Variants in MAMSTR observed in about 807,000 individuals in gnomAD.
The protein encoded by MAMSTR is MEF2 activating motif and SAP domain containing transcriptional regulator, also known as MEF2-activating motif and SAP domain-containing transcriptional regulator.
A neutral mutation model predicts 42.7 loss-of-function variants in MAMSTR; 41 were observed. That is an observed-to-expected ratio of 0.96 (90% CI 0.75 to 1.25). MAMSTR has a LOEUF of 1.25. MAMSTR is among the 50% of genes most tolerant of loss of function. MAMSTR has a pLI of 0.00. For missense variants in MAMSTR, 567 were observed against 557.6 expected (o/e 1.02, Z -0.17); for synonymous variants, 265 against 244.1 (o/e 1.09, Z -0.80).
chr19:48,716,777 G>A (rs1269108081), intron 2 of MAMSTR, 34 bp from the exon 3 acceptor site: 2 of 1,292,030 alleles, frequency 1.5e-6, no homozygotes, highest in East Asian at 6.2e-5. Flanking sequence ...GAGGAGGAAG[G>A]CGGGAAGGGA....
At chr19:48,711,902 T>C (rs142892429), downstream of MAMSTR, among the ~76,000 whole-genome samples, 1,794 of 150,652 alleles carry the variant, frequency 0.012, 43 homozygotes, top group African/African-American at 0.042. Flanking sequence ...CATGCCACCA[T>C]GCCCAGCTAA....
rs1019038719 is a variant in MAMSTR at position 48,715,905 on chromosome 19, G to A, written c.98-138C>T. 24 of 1,445,340 alleles carry A rather than the reference G, an allele frequency of 1.7e-5. No homozygotes were observed. The African/African-American group carries it at 2.2e-4, about 13-fold the overall frequency. 89.5% of individuals were successfully genotyped at this position (1,445,340 alleles called of 1,614,324 possible). On this transcript the variant is annotated intron_variant, in intron 3 of 9. Transcript: ENST00000318083. ...AAGACTTGATTGCTGGGAGATGGGCGCCTGAACTGGATCTGAGGGCGGAGG... is the reference window on the plus strand; with the variant it reads ...AAGACTTGATTGCTGGGAGATGGGCACCTGAACTGGATCTGAGGGCGGAGG...
downstream of MAMSTR, among the ~76,000 whole-genome samples, chr19:48,710,026 C>T (rs1040026118): frequency 4.0e-5 from 6 of 151,890 alleles, no homozygotes; most frequent in Admixed American, 2.0e-4. Context: ...CCCACCACTG[C>T]GCCTGGCTAA....
In MAMSTR at chr19:48,716,689, T is replaced by G; in HGVS notation, c.97+16A>C. The G allele has an allele frequency of 7.5e-7, 1 of 1,331,174 alleles. No individual in the cohort carries two copies. The highest frequency in any genetic ancestry group is 3.1e-5 in the East Asian group (1 of 32,348). The allele number at this position is 1,331,174 out of a possible 1,614,324, so 82.5% of individuals were successfully genotyped here. ...TGGGGGGTCACCATCCCCTCCCTTT[T>G]GGGGCCCATACTTACTCTGCTCCTG... On this transcript the variant is annotated intron_variant, in intron 3 of 9. Transcript: ENST00000318083.
Position 48,715,724 on chromosome 19 carries a change from C to T in MAMSTR, c.141G>A (p.Leu47=), listed in dbSNP as rs2032989437. The T allele has an allele frequency of 6.5e-7, 1 of 1,542,484 alleles. No individual in the cohort carries two copies. The highest frequency in any genetic ancestry group is 1.2e-5 in the South Asian group (1 of 83,156). The change falls in exon 4 of 10, where the codon CTG becomes CTA. Residue 47 remains leucine (L), a synonymous_variant. Coordinates refer to ENST00000318083, the MANE Select transcript of MAMSTR (RefSeq NM_001130915.2). ...DPWISASDPP[L]APALPSGTAP... ...CCGTGCCCGAGGGCAAGGCCGGGGC[C>T]AGAGGAGGGTCTGAGGCTGAGATCC...
At chr19:48,716,681 CT>C in intron 3 of MAMSTR, 23 bp downstream of exon 3, 8 of 1,332,736 alleles carry the variant, frequency 6.0e-6, no homozygotes, top group South Asian at 2.1e-5. Context: ...TCACCATCCC[CT>C]CCCTTTTGGG....
Position 48,715,707 on chromosome 19 carries a change from G to T in MAMSTR, c.158C>A (p.Ser53Ter). ...SDPPLAPALPSGTAPFLFSPG... is the reference protein window; with the variant it reads ...SDPPLAPALP ...GCTGAAGAGGAAAGGGGCCGTGCCC[G>T]AGGGCAAGGCCGGGGCCAGAGGAGG... is the stretch of plus-strand genomic sequence containing the variant. Residue 53 changes from serine to a stop codon, truncating the protein, a stop_gained, in exon 4 of 10, where the codon TCG becomes TAG. Transcript: ENST00000318083. LOFTEE classifies it high-confidence loss of function. 6.5e-7 allele frequency: 1 copy of T among 1,539,712 alleles called. No homozygotes were observed. Among genetic ancestry groups the T allele is most frequent in the Admixed American group, 2.2e-5 (1 of 46,350 alleles).
rs1428312496 is a variant in MAMSTR, at chr19:48,716,721, T to C, written c.81A>G (p.Arg27=). ...CATACTTACTCTGCTCCTGATTCCG[T>C]CTGTGGATCCGAAGCTGGAGGACTG... The part of the protein sequence containing the change: ...FRSVLQLRIH[R]RNQEQISDPD... Residue 27 remains arginine, a synonymous_variant, in exon 3 of 10, where the codon AGA becomes AGG. Coordinates refer to ENST00000318083, the MANE Select transcript of MAMSTR (RefSeq NM_001130915.2). The C allele has an allele frequency of 1.5e-6, 2 of 1,339,060 alleles. No homozygotes were observed. The highest frequency in any genetic ancestry group is 1.5e-5 in the African/African-American group (1 of 65,352). 82.9% of individuals were successfully genotyped at this position (1,339,060 alleles called of 1,614,324 possible).
chr19:48,717,716 A>T (rs561861081), intron 2 of MAMSTR, among the ~76,000 whole-genome samples: 26 of 139,970 alleles, frequency 1.9e-4, no homozygotes, highest in East Asian at 4.4e-4. Flanking sequence ...TATTATTATT[A>T]TTTTTTGAGA....
downstream of MAMSTR, among the ~76,000 whole-genome samples, chr19:48,710,270 A>AG (rs1351063840): frequency 9.0e-6 from 1 of 111,634 alleles, no homozygotes; most frequent in Non-Finnish European, 2.0e-5. Context: ...ACACCTGGCT[A>AG]ATTATTTTTT....
Position 48,713,753 on chromosome 19 carries a change from G to A in MAMSTR, c.927C>T (p.Gly309=). 6.2e-7 allele frequency: 1 copy of A among 1,614,222 alleles called. No individual in the cohort carries two copies. Among genetic ancestry groups the A allele is most frequent in the Non-Finnish European group, 8.5e-7 (1 of 1,180,042 alleles). Residue 309 remains glycine, a synonymous_variant, in exon 9 of 10, where the codon GGC becomes GGT. Transcript: ENST00000318083. ...IRRAQLLPNR[G]IDDILEDQVE... ...CCTGATCCTCCAGGATGTCATCGAT[G>A]CCCCGGTTAGGAAGCAACTGCGGAT...
intron 2 of MAMSTR, among the ~76,000 whole-genome samples, chr19:48,717,687 A>G (rs2033097310): frequency 6.6e-6 from 1 of 150,618 alleles, no homozygotes. Context: ...GGTGCTCACC[A>G]CCACACCCGG....
At chr19:48,711,998 C>T (rs370727979), downstream of MAMSTR, among the ~76,000 whole-genome samples, 10 of 152,156 alleles carry the variant, frequency 6.6e-5, no homozygotes, top group South Asian at 4.1e-4. Flanking sequence ...CCTCGTGATC[C>T]GCCCACCTTG....
At chr19:48,706,379 T>C in the MAMSTR span, among the ~76,000 whole-genome samples, 3 of 151,926 alleles carry the variant, frequency 2.0e-5, no homozygotes, top group African/African-American at 7.3e-5. Flanking sequence ...GGCTCACACC[T>C]GTAATCCCAG....
the MAMSTR span, among the ~76,000 whole-genome samples, chr19:48,707,399 C>T: frequency 2.0e-5 from 3 of 147,956 alleles, no homozygotes; most frequent in Middle Eastern, 3.8e-3. Context: ...CTGCCAGTAG[C>T]GCGAGACTCC....
the MAMSTR span, among the ~76,000 whole-genome samples, chr19:48,707,413 TA>T: frequency 1.5e-3 from 207 of 136,382 alleles, no homozygotes; most frequent in Middle Eastern, 4.2e-3. Flanking sequence ...AGACTCCGTC[TA>T]AAAAAAAAAA....
At position 48,713,350 on chromosome 19, in the gene MAMSTR, G is replaced by T. The variant is rs73057542; in HGVS notation, c.1165C>A (p.Pro389Thr). The T allele has an allele frequency of 6.2e-7, 1 of 1,608,288 alleles. No homozygotes were observed. Among genetic ancestry groups the T allele is most frequent in the Non-Finnish European group, 8.5e-7 (1 of 1,178,474 alleles). The part of the protein sequence containing the change: ...LSGGPPLGSG[P>T]PPPSIFSADL... Reference sequence around the variant, plus strand: ...GCGGAGAAGATGCTGGGGGGTGGGGGACCAGAACCCAGAGGAGGACCCCCG... The same window carrying T: ...GCGGAGAAGATGCTGGGGGGTGGGGTACCAGAACCCAGAGGAGGACCCCCG... Residue 389 changes from proline (P) to threonine (T), a missense_variant, in exon 10 of 10, where the codon CCC becomes ACC. Transcript: ENST00000318083.
Position 48,714,528 on chromosome 19 carries a change from C to T in MAMSTR, c.561G>A (p.Arg187=). 1 of 1,456,108 alleles carries T rather than the reference C, an allele frequency of 6.9e-7. No individual in the cohort carries two copies. The highest frequency in any genetic ancestry group is 9.0e-7 in the Non-Finnish European group (1 of 1,116,716). 90.2% of individuals were successfully genotyped at this position (1,456,108 alleles called of 1,614,324 possible). A position where few individuals can be genotyped will look rare whatever the true frequency, so the allele number is the denominator to read the frequency against. Residue 187 remains arginine (R), a synonymous_variant, in exon 7 of 10, where the codon CGG becomes CGA. Transcript: ENST00000318083. The part of the protein sequence containing the change: ...VSELRQQLRL[R]GLPVSGTKSM... ...ACTTGGTCCCCGACACTGGGAGGCC[C>T]CGCAGGCGCAGCTGCTGCCGGAGCT...
chr19:48,713,850 A>T lies in MAMSTR; in HGVS notation c.909+10T>A. 1 of 1,613,046 alleles carries T rather than the reference A, an allele frequency of 6.2e-7. No homozygotes were observed. Among genetic ancestry groups the T allele is most frequent in the Non-Finnish European group, 8.5e-7 (1 of 1,179,546 alleles). Reference sequence around the variant, plus strand: ...AGAACCCTAGCCGGATTCAACCCACACCCTCTTACCTGCGCCCTCCGGATC... The same window carrying T: ...AGAACCCTAGCCGGATTCAACCCACTCCCTCTTACCTGCGCCCTCCGGATC... On this transcript the variant is annotated intron_variant, in intron 8 of 9. Transcript: ENST00000318083.
Sources: gnomAD v4.1 joint callset for allele counts (sites outside exome capture counted in the v4.1 genomes callset) on GRCh38, gnomAD v4.1.1 for gene constraint, MANE v1.5 for transcripts, NCBI Gene and HGNC (gene_info 2026-07-23, HGNC 2026-07-21) for gene names.